Variants in GRIA4 observed in about 807,000 individuals in gnomAD.
GRIA4 encodes the protein glutamate receptor 4.
GRIA4 carries 34 observed loss-of-function variants against 104.0 expected under a neutral mutation model. That is an observed-to-expected ratio of 0.33 (90% CI 0.25 to 0.44). The LOEUF (loss-of-function observed/expected upper bound fraction) is 0.44, where lower values mean the gene tolerates loss of function less well. Ranked by LOEUF, GRIA4 falls within the 20% of genes least tolerant of loss-of-function variation. The probability of loss-of-function intolerance (pLI) is 1.00; values close to 1 mark genes in which losing one functional copy is unlikely to be tolerated. For missense variants in GRIA4, 750 were observed against 1,096.5 expected, an observed-to-expected ratio of 0.68 and a Z score of 4.46; for synonymous variants, 386 against 381.9, an observed-to-expected ratio of 1.01 and a Z score of -0.13.
chr11:105,961,406 T>C (rs1948741285), intron 14 of GRIA4, among the ~76,000 whole-genome samples: 10 of 152,232 alleles, frequency 6.6e-5, no homozygotes, highest in Admixed American at 6.5e-4. Flanking sequence ...TAAGTGTTTT[T>C]AAACTATATT....
intron 14 of GRIA4, among the ~76,000 whole-genome samples, chr11:105,966,787 AT>A (rs1858392106): frequency 6.6e-6 from 1 of 152,148 alleles, no homozygotes. Context: ...CTTCTTCACT[AT>A]ATATCAGTAT....
intron 3 of GRIA4, among the ~76,000 whole-genome samples, chr11:105,700,505 AC>A (rs1953449286): frequency 6.6e-6 from 1 of 152,186 alleles, no homozygotes; most frequent in Non-Finnish European, 1.5e-5. Flanking sequence ...CCATGTGACA[AC>A]TAGGCAGAGG....
chr11:105,640,611 T>G (rs1951332034), intron 3 of GRIA4, among the ~76,000 whole-genome samples: 1 of 151,920 alleles, frequency 6.6e-6, no homozygotes, highest in Non-Finnish European at 1.5e-5. Flanking sequence ...GTTTTAAATG[T>G]TTTTATTTTT....
intron 4 of GRIA4, among the ~76,000 whole-genome samples, chr11:105,788,978 A>T (rs1014514430): frequency 6.6e-5 from 10 of 152,320 alleles, no homozygotes; most frequent in African/African-American, 2.4e-4. Flanking sequence ...TCCTTAAGCC[A>T]CAGGGAATTA....
chr11:105,916,047 G>A (rs987330991), intron 10 of GRIA4, among the ~76,000 whole-genome samples: 1 of 150,918 alleles, frequency 6.6e-6, no homozygotes, highest in East Asian at 1.9e-4. Flanking sequence ...AACCGGGAGT[G>A]GTGGTGTGCG....
chr11:105,772,819 A>G (rs1025933079), intron 4 of GRIA4, among the ~76,000 whole-genome samples: 5 of 152,134 alleles, frequency 3.3e-5, no homozygotes, highest in Non-Finnish European at 7.4e-5. Flanking sequence ...TTATTTCCAA[A>G]TAAAAAATTA....
Position 105,753,063 on chromosome 11 carries a change from C to T in GRIA4, c.330C>T (p.Cys110=). The stretch of plus-strand genomic sequence containing the variant: ...CGGTACATACCTTGACCTCATTCTG[C>T]AGCGCCTTACATATCTCCCTCATCA... ...KRSVHTLTSF[C]SALHISLITP... is the part of the protein sequence containing the mutation. Residue 110 remains cysteine, a synonymous_variant, in exon 4 of 17, where the codon TGC becomes TGT. Transcript: ENST00000282499. 6.2e-7 allele frequency: 1 copy of T among 1,613,748 alleles called. No individual in the cohort carries two copies. The highest frequency in any genetic ancestry group is 8.5e-7 in the Non-Finnish European group (1 of 1,179,792).
At chr11:105,955,249 C>T (rs546356940) in intron 14 of GRIA4, among the ~76,000 whole-genome samples, 4 of 151,986 alleles carry the variant, frequency 2.6e-5, no homozygotes, top group African/African-American at 7.2e-5. Context: ...CCTATTGACC[C>T]GCCCTCTAAG....
chr11:105,670,313 A>G (rs1952318517), intron 3 of GRIA4, among the ~76,000 whole-genome samples: 2 of 152,128 alleles, frequency 1.3e-5, no homozygotes, highest in South Asian at 4.1e-4. Context: ...AACACTTTAA[A>G]ATGTCATACA....
intron 4 of GRIA4, among the ~76,000 whole-genome samples, chr11:105,807,014 C>G (rs1942980155): frequency 6.6e-6 from 1 of 151,652 alleles, no homozygotes; most frequent in Non-Finnish European, 1.5e-5. Context: ...AATAGTCAAG[C>G]AATAGTAATT....
chr11:105,729,867 T>G (rs1938475395), intron 3 of GRIA4, among the ~76,000 whole-genome samples: 2 of 151,932 alleles, frequency 1.3e-5, no homozygotes, highest in African/African-American at 4.8e-5. Flanking sequence ...CTGAAAATAA[T>G]AAGAACATGT....
intron 4 of GRIA4, among the ~76,000 whole-genome samples, chr11:105,766,260 A>G (rs191911910): frequency 1.3e-5 from 2 of 152,216 alleles, no homozygotes; most frequent in African/African-American, 4.8e-5. Flanking sequence ...CAAATGTGAA[A>G]TATCAAACTA....
In GRIA4 at chr11:105,630,405, A is replaced by G. The variant is rs577071241; in HGVS notation, c.247+17971A>G. Among the ~76,000 whole-genome samples the G allele has an allele frequency of 3.9e-5, 6 of 152,264 alleles. No homozygotes were observed. In the South Asian group the frequency reaches 6.2e-4, roughly 16 times the overall value. ...ATGGTGAGACCCCGTCTCTACTACA[A>G]ATACAAAAATTAGCCAGGCGTGGTG... On this transcript the variant is annotated intron_variant, in intron 3 of 16. Coordinates refer to ENST00000282499, the MANE Select transcript of GRIA4 (RefSeq NM_000829.4).
chr11:105,898,993 A>C (rs1320434384), intron 7 of GRIA4, among the ~76,000 whole-genome samples: 2 of 152,174 alleles, frequency 1.3e-5, no homozygotes, highest in Admixed American at 1.3e-4. Flanking sequence ...CTTAGACCTC[A>C]TGTTAAATTA....
Position 105,910,471 on chromosome 11 carries a change from A to C in GRIA4, c.1195A>C (p.Ile399Leu). The change falls in exon 10 of 17, where the codon ATT becomes CTT. Residue 399 changes from isoleucine to leucine, a missense_variant. Coordinates refer to ENST00000282499, the MANE Select transcript of GRIA4 (RefSeq NM_000829.4). ...GAATGATATGGATAAGTTAGTCTTGATTCAAGATGTACCAACTCTTGGCAA... is the reference window on the plus strand; with the variant it reads ...GAATGATATGGATAAGTTAGTCTTGCTTCAAGATGTACCAACTCTTGGCAA... ...YWNDMDKLVL[I>L]QDVPTLGNDT... The C allele has an allele frequency of 6.3e-7, 1 of 1,599,184 alleles. No homozygotes were observed. Among genetic ancestry groups the C allele is most frequent in the Non-Finnish European group, 8.6e-7 (1 of 1,166,520 alleles).
chr11:105,969,308 T>C (rs1858558903), intron 14 of GRIA4, among the ~76,000 whole-genome samples: 1 of 152,086 alleles, frequency 6.6e-6, no homozygotes, highest in Admixed American at 6.6e-5. Context: ...AAAGTTGTAG[T>C]AAACAAAAAA....
chr11:105,714,669 A>G (rs184915938), intron 3 of GRIA4, among the ~76,000 whole-genome samples: 1 of 152,298 alleles, frequency 6.6e-6, no homozygotes, highest in African/African-American at 2.4e-5. Context: ...ATATTGCTGA[A>G]ACGAGACAGG....
chr11:105,794,514 CAT>C (rs1309549703), intron 4 of GRIA4, among the ~76,000 whole-genome samples: 764 of 48,112 alleles, frequency 0.016, 24 homozygotes, highest in African/African-American at 0.053. Context: ...TATATATATA[CAT>C]ATACACACAC....
intron 3 of GRIA4, among the ~76,000 whole-genome samples, chr11:105,745,580 T>C (rs1279440527): frequency 6.6e-6 from 1 of 152,204 alleles, no homozygotes; most frequent in Non-Finnish European, 1.5e-5. Flanking sequence ...ATGCCATTAA[T>C]TCACAATCCT....
Sources: gnomAD v4.1 joint callset for allele counts (sites outside exome capture counted in the v4.1 genomes callset) on GRCh38, gnomAD v4.1.1 for gene constraint, MANE v1.5 for transcripts, NCBI Gene and HGNC (gene_info 2026-07-23, HGNC 2026-07-21) for gene names.